Variants in TMEM131 observed in about 807,000 individuals in gnomAD.
The protein encoded by TMEM131 is transmembrane protein 131.
Under a neutral mutation model 211.6 loss-of-function variants are expected in TMEM131, and 66 were observed. The observed-to-expected ratio is 0.31, with a 90% CI of 0.26 to 0.38. The LOEUF is 0.38. Among genes scored for constraint, TMEM131 ranks in the 10% least tolerant of loss-of-function variants. The pLI, the probability that TMEM131 is intolerant of heterozygous loss-of-function variation, is 1.00. For missense variants in TMEM131, 2,036 were observed against 2,299.3 expected (o/e 0.89, Z 2.34); for synonymous variants, 844 against 841.3 (o/e 1.00, Z -0.06).
chr2:97,838,905 T>TTAA (rs762252553), intron 7 of TMEM131, among the ~76,000 whole-genome samples: 61 of 152,350 alleles, frequency 4.0e-4, no homozygotes, highest in Non-Finnish European at 6.2e-4. Flanking sequence ...GCTTATTGTG[T>TTAA]TAATAATAAT....
At chr2:97,817,840 G>A (rs915348598) in intron 12 of TMEM131, among the ~76,000 whole-genome samples, 1 of 152,176 alleles carries the variant, frequency 6.6e-6, no homozygotes, top group African/African-American at 2.4e-5. Flanking sequence ...TGTGGACTCT[G>A]AGCACAGATG....
rs571480486 is a variant in TMEM131 at position 97,939,354 on chromosome 2, G to A, written c.188-11867C>T. ...AAATGATAAAGGAGATATCACCACC[G>A]ATCCCACAGAAATAAACTACCATCA... On this transcript the variant is annotated intron_variant, in intron 1 of 40. Coordinates refer to ENST00000186436, the MANE Select transcript of TMEM131 (RefSeq NM_015348.2). Among the ~76,000 whole-genome samples, 50 of 152,194 alleles carry A rather than the reference G, an allele frequency of 3.3e-4. No individual in the cohort carries two copies. In the South Asian group the frequency reaches 8.7e-3, roughly 27 times the overall value.
At chr2:97,869,174 A>G (rs1674392048) in intron 4 of TMEM131, among the ~76,000 whole-genome samples, 1 of 152,220 alleles carries the variant, frequency 6.6e-6, no homozygotes, top group Non-Finnish European at 1.5e-5. Context: ...CATCCCTGTG[A>G]ATTCCTTCTC....
chr2:97,903,835 T>C (rs567207037), intron 3 of TMEM131, among the ~76,000 whole-genome samples: 27 of 152,152 alleles, frequency 1.8e-4, no homozygotes, highest in African/African-American at 6.5e-4. Context: ...AGGCGCATTT[T>C]GTATTTTAGT....
At chr2:97,972,307 A>G (rs186050187) in intron 1 of TMEM131, among the ~76,000 whole-genome samples, 1,679 of 152,192 alleles carry the variant, frequency 0.011, 14 homozygotes, top group South Asian at 0.024. Context: ...AAACTGAACA[A>G]TGTTCCAGGC....
At chr2:97,982,360 T>C (rs1679835944) in intron 1 of TMEM131, among the ~76,000 whole-genome samples, 1 of 152,198 alleles carries the variant, frequency 6.6e-6, no homozygotes, top group African/African-American at 2.4e-5. Flanking sequence ...ATTTTTTAAT[T>C]GCACTGTCTG....
In TMEM131 at chr2:97,918,164, G is replaced by A. The variant is rs574313976; in HGVS notation, c.249+9262C>T. Among the ~76,000 whole-genome samples, 40 of 152,022 alleles carry A rather than the reference G, an allele frequency of 2.6e-4. 3 individuals are homozygous for A. In the South Asian group the frequency reaches 7.5e-3, roughly 29 times the overall value. On this transcript the variant is annotated intron_variant, in intron 2 of 40. Coordinates refer to ENST00000186436, the MANE Select transcript of TMEM131 (RefSeq NM_015348.2). ...TCACCATGTTGGTCACGCTGGTCTC[G>A]AACTCCTGACCACAGGCGATCCACC... is the stretch of plus-strand genomic sequence containing the variant.
At chr2:97,914,165 T>C (rs1676407016) in intron 2 of TMEM131, among the ~76,000 whole-genome samples, 1 of 152,166 alleles carries the variant, frequency 6.6e-6, no homozygotes, top group African/African-American at 2.4e-5. Flanking sequence ...TTCCTGACTT[T>C]CTAATTGTTT....
intron 3 of TMEM131, among the ~76,000 whole-genome samples, chr2:97,891,501 T>C (rs1019963464): frequency 6.8e-5 from 9 of 132,134 alleles, no homozygotes; most frequent in Non-Finnish European, 8.7e-5. Context: ...ATTGGTTTTA[T>C]AAATTTTCAC....
intron 1 of TMEM131, among the ~76,000 whole-genome samples, chr2:97,972,335 A>C (rs1046025312): frequency 2.6e-5 from 4 of 151,956 alleles, no homozygotes; most frequent in Admixed American, 2.6e-4. Flanking sequence ...ACACATCTTA[A>C]AAGCAAGACC....
At chr2:97,802,394 T>C (rs1049504602) in intron 24 of TMEM131, 34 bp downstream of exon 24, 3 of 1,462,926 alleles carry the variant, frequency 2.1e-6, no homozygotes, top group African/African-American at 1.4e-5. Flanking sequence ...CAATACTACA[T>C]AGAAACACTG....
chr2:97,914,523 C>A (rs1167398476), intron 2 of TMEM131, among the ~76,000 whole-genome samples: 1 of 152,200 alleles, frequency 6.6e-6, no homozygotes, highest in Non-Finnish European at 1.5e-5. Context: ...TTTATAATCA[C>A]ACTCATCTTC....
chr2:97,843,202 CA>C (rs1683281537), intron 6 of TMEM131, among the ~76,000 whole-genome samples: 1 of 152,106 alleles, frequency 6.6e-6, no homozygotes, highest in African/African-American at 2.4e-5. Context: ...TCCCCCTCAA[CA>C]ACTTACTAAT....
At chr2:97,920,744 T>C (rs1676705515) in intron 2 of TMEM131, among the ~76,000 whole-genome samples, 1 of 152,086 alleles carries the variant, frequency 6.6e-6, no homozygotes, top group Non-Finnish European at 1.5e-5. Flanking sequence ...TTTGAAAAAA[T>C]GTCACTTACA....
chr2:97,956,371 T>C (rs1678567098), intron 1 of TMEM131, among the ~76,000 whole-genome samples: 1 of 152,240 alleles, frequency 6.6e-6, no homozygotes, highest in Non-Finnish European at 1.5e-5. Context: ...ATAGTTACAA[T>C]GGCCCATCAG....
intron 1 of TMEM131, among the ~76,000 whole-genome samples, chr2:97,988,640 T>C (rs1206423173): frequency 6.6e-6 from 1 of 152,110 alleles, no homozygotes; most frequent in Non-Finnish European, 1.5e-5. Context: ...CCAAAGGAGA[T>C]ATACAAATGC....
chr2:97,967,214 C>T (rs1268886924), intron 1 of TMEM131, among the ~76,000 whole-genome samples: 1 of 152,182 alleles, frequency 6.6e-6, no homozygotes. Context: ...TACAGTCAAC[C>T]TAGCTCTCTC....
chr2:97,990,750 T>A (rs994152485), intron 1 of TMEM131, among the ~76,000 whole-genome samples: 15 of 152,220 alleles, frequency 9.9e-5, no homozygotes, highest in African/African-American at 3.6e-4. Context: ...GAATTTTACC[T>A]GTACTTCTGA....
At chr2:97,832,764 T>C (rs1682768085) in intron 11 of TMEM131, among the ~76,000 whole-genome samples, 1 of 152,206 alleles carries the variant, frequency 6.6e-6, no homozygotes. Context: ...AAAACTTAGA[T>C]ATCCCTTTTT....
Sources: allele counts gnomAD v4.1 joint callset (sites outside exome capture counted in the v4.1 genomes callset), GRCh38; gene constraint gnomAD v4.1.1; transcripts MANE v1.5; gene names NCBI Gene and HGNC (gene_info 2026-07-23, HGNC 2026-07-21).